DCC: variants seen among roughly 807,000 people sequenced by gnomAD.
DCC encodes the protein netrin receptor DCC.
In DCC, 58 loss-of-function variants were observed where a neutral mutation model predicts 172.5. That is an observed-to-expected ratio of 0.34 (90% CI 0.27 to 0.42). The LOEUF is 0.42. Ranked by LOEUF, DCC falls within the 10% of genes least tolerant of loss-of-function variation. The pLI, the probability that DCC is intolerant of heterozygous loss-of-function variation, is 1.00. For synonymous variants in DCC, 709 were observed against 644.5 expected (o/e 1.10, Z -1.52); for missense variants, 1,740 against 1,791.0 (o/e 0.97, Z 0.51).
chr18:52,603,842 G>T (rs1243207929), intron 1 of DCC, among the ~76,000 whole-genome samples: 1 of 151,330 alleles, frequency 6.6e-6, no homozygotes, highest in African/African-American at 2.4e-5. Flanking sequence ...TTTCCTTCTT[G>T]ATTTAATTTA....
intron 7 of DCC, among the ~76,000 whole-genome samples, chr18:53,069,829 C>G (rs2042628272): frequency 6.6e-6 from 1 of 152,052 alleles, no homozygotes; most frequent in Non-Finnish European, 1.5e-5. Context: ...TATTTACAAT[C>G]TACACTTGCT....
chr18:53,446,124 A>AAAAAAAAAAAACAAAAAAAC (rs369426007), intron 22 of DCC, among the ~76,000 whole-genome samples: 1 of 117,174 alleles, frequency 8.5e-6, no homozygotes, highest in Non-Finnish European at 1.8e-5. Context: ...ACAAAAAAAA[A>AAAAAAAAAAAACAAAAAAAC]CACTTAAAAA....
At chr18:52,941,911 T>G (rs1351933410) in intron 5 of DCC, among the ~76,000 whole-genome samples, 2 of 152,110 alleles carry the variant, frequency 1.3e-5, no homozygotes, top group East Asian at 3.9e-4. Context: ...GCCTCCCAAG[T>G]AGCTTGGATT....
At chr18:52,387,627 C>CTTCCTTCA (rs1478333366) in intron 1 of DCC, among the ~76,000 whole-genome samples, 2 of 148,214 alleles carry the variant, frequency 1.3e-5, no homozygotes, top group African/African-American at 5.0e-5. Flanking sequence ...TCCTTCCTTC[C>CTTCCTTCA]TTCCTTCTGT....
rs558481900 is a variant in DCC, at chr18:52,817,687, G to A, written c.412+65313G>A. ...GTATTTGCCTAATGTGTATGTACAC[G>A]CATGCATACATAGACACCCACATAT... On this transcript the variant is annotated intron_variant, in intron 2 of 28. Coordinates refer to ENST00000442544, the MANE Select transcript of DCC (RefSeq NM_005215.4). Among the ~76,000 whole-genome samples, 6 of 151,900 alleles carry A rather than the reference G, an allele frequency of 3.9e-5. No individual in the cohort carries two copies. The South Asian group carries it at 8.3e-4, about 21-fold the overall frequency.
intron 5 of DCC, among the ~76,000 whole-genome samples, chr18:52,954,452 G>T (rs1339872924): frequency 6.6e-6 from 1 of 151,832 alleles, no homozygotes; most frequent in Non-Finnish European, 1.5e-5. Flanking sequence ...ATAGTCATTT[G>T]GGGAAAAATT....
chr18:52,569,512 T>A (rs2033243945), intron 1 of DCC, among the ~76,000 whole-genome samples: 1 of 152,112 alleles, frequency 6.6e-6, no homozygotes, highest in Admixed American at 6.6e-5. Context: ...AAATAAAAAG[T>A]GGTGGAAAAT....
intron 26 of DCC, among the ~76,000 whole-genome samples, chr18:53,487,240 T>G (rs2045911726): frequency 1.3e-5 from 2 of 152,216 alleles, no homozygotes; most frequent in South Asian, 4.1e-4. Context: ...TGATGGGTAC[T>G]TGAAATTAAT....
intron 22 of DCC, 124 bp from the exon 23 acceptor site, chr18:53,450,376 C>T (rs2045393633): frequency 6.1e-6 from 6 of 986,076 alleles, no homozygotes; most frequent in Non-Finnish European, 9.5e-6. Context: ...CCTCGAACTC[C>T]CATCACTACC....
chr18:53,294,178 A>G (rs2057038402), intron 12 of DCC, among the ~76,000 whole-genome samples: 1 of 152,250 alleles, frequency 6.6e-6, no homozygotes. Context: ...AAAATGGAAC[A>G]TATAAGAAGT....
chr18:53,211,958 G>C (rs2055759913), intron 11 of DCC, among the ~76,000 whole-genome samples: 2 of 152,150 alleles, frequency 1.3e-5, no homozygotes, highest in African/African-American at 4.8e-5. Context: ...TGAGGCAGGA[G>C]AATCACTTGT....
intron 5 of DCC, among the ~76,000 whole-genome samples, chr18:52,997,034 C>T (rs904595171): frequency 5.3e-5 from 8 of 152,066 alleles, no homozygotes; most frequent in Admixed American, 4.6e-4. Flanking sequence ...GTTTGTATCC[C>T]TTCTGCCTAG....
intron 5 of DCC, among the ~76,000 whole-genome samples, chr18:52,927,168 T>C (rs201960872): frequency 0.027 from 2,237 of 82,326 alleles, 495 homozygotes; most frequent in African/African-American, 0.09. Context: ...CGTATATATG[T>C]GTATATATGT....
At chr18:52,364,824 A>G (rs1015468051) in intron 1 of DCC, among the ~76,000 whole-genome samples, 1 of 152,188 alleles carries the variant, frequency 6.6e-6, no homozygotes, top group Non-Finnish European at 1.5e-5. Context: ...GTCAGTGGCC[A>G]TTGTCTTTCA....
chr18:53,418,879 G>A (rs888318182), intron 21 of DCC, among the ~76,000 whole-genome samples: 1 of 152,172 alleles, frequency 6.6e-6, no homozygotes, highest in Non-Finnish European at 1.5e-5. Context: ...ATTTCTTTAT[G>A]TAATTGTAAA....
At chr18:52,983,661 A>T (rs1400175199) in intron 5 of DCC, among the ~76,000 whole-genome samples, 1 of 152,184 alleles carries the variant, frequency 6.6e-6, no homozygotes, top group African/African-American at 2.4e-5. Flanking sequence ...ACCATTACAC[A>T]TATAGATTTC....
chr18:53,347,816 A>G (rs2057742972), intron 15 of DCC, among the ~76,000 whole-genome samples: 1 of 152,130 alleles, frequency 6.6e-6, no homozygotes, highest in Non-Finnish European at 1.5e-5. Context: ...GCTTGTGCAG[A>G]GAAACGCCCC....
intron 7 of DCC, among the ~76,000 whole-genome samples, chr18:53,112,699 A>G (rs1268012651): frequency 6.6e-6 from 1 of 151,440 alleles, no homozygotes; most frequent in African/African-American, 2.4e-5. Flanking sequence ...AAGAAAATCT[A>G]TTTTACTTCC....
chr18:52,790,739 T>C (rs117759638), intron 2 of DCC, among the ~76,000 whole-genome samples: 3 of 152,210 alleles, frequency 2.0e-5, no homozygotes, highest in Admixed American at 6.5e-5. Context: ...TTGCCTGTTA[T>C]AGGAGACATA....
Sources: allele counts gnomAD v4.1 joint callset (sites outside exome capture counted in the v4.1 genomes callset), GRCh38; gene constraint gnomAD v4.1.1; transcripts MANE v1.5; gene names NCBI Gene and HGNC (gene_info 2026-07-23, HGNC 2026-07-21).